Variants in PPP2R2A observed in about 807,000 individuals in gnomAD.
The protein encoded by PPP2R2A is serine/threonine-protein phosphatase 2A 55 kDa regulatory subunit B alpha isoform.
Under a neutral mutation model 53.2 loss-of-function variants are expected in PPP2R2A, and 9 were observed. The ratio of observed to expected loss-of-function variants is 0.17; its 90% confidence interval spans 0.10 to 0.30. The LOEUF (loss-of-function observed/expected upper bound fraction) is 0.30, where lower values mean the gene tolerates loss of function less well. Ranked by LOEUF, PPP2R2A falls within the 10% of genes least tolerant of loss-of-function variation. The pLI is 1.00. For missense variants in PPP2R2A, 235 were observed against 534.6 expected (o/e 0.44, Z 5.53); for synonymous variants, 169 against 174.2 (o/e 0.97, Z 0.23).
intron 9 of PPP2R2A, among the ~76,000 whole-genome samples, chr8:26,368,038 A>G (rs1165780724): frequency 6.6e-6 from 1 of 152,214 alleles, no homozygotes; most frequent in Non-Finnish European, 1.5e-5. Flanking sequence ...TGGCAGGAAT[A>G]CCACAGAAAT....
chr8:26,320,027 A>G (rs1303756225), intron 2 of PPP2R2A, among the ~76,000 whole-genome samples: 1 of 152,148 alleles, frequency 6.6e-6, no homozygotes, highest in African/African-American at 2.4e-5. Flanking sequence ...TTGCCAAGGT[A>G]AGTGATTTTA....
At chr8:26,323,567 A>G (rs1346898494) in intron 2 of PPP2R2A, among the ~76,000 whole-genome samples, 3 of 152,224 alleles carry the variant, frequency 2.0e-5, no homozygotes, top group Non-Finnish European at 2.9e-5. Context: ...TTAATTTGCT[A>G]GAGTGGCTCA....
At chr8:26,318,101 AG>A (rs1563293600) in intron 2 of PPP2R2A, among the ~76,000 whole-genome samples, 2 of 152,138 alleles carry the variant, frequency 1.3e-5, no homozygotes, top group African/African-American at 4.8e-5. Context: ...TGAAGGTGCC[AG>A]GATGTGCCAT....
intron 4 of PPP2R2A, among the ~76,000 whole-genome samples, chr8:26,359,800 T>A (rs1023500657): frequency 6.6e-6 from 1 of 152,236 alleles, no homozygotes; most frequent in African/African-American, 2.4e-5. Flanking sequence ...TTAAATTTTT[T>A]AAAATTCAGT....
In PPP2R2A at chr8:26,291,677, T is replaced by TTCCCCCCCC; in HGVS notation, c.-143_-142insTCCCCCCCC. The TTCCCCCCCC allele has an allele frequency of 2.2e-6, 1 of 451,624 alleles. No homozygotes were observed. The highest frequency in any genetic ancestry group is 4.1e-6 in the Non-Finnish European group (1 of 242,350). The allele number at this position is 451,624 out of a possible 1,614,324, so 28.0% of individuals were successfully genotyped here. A position where few individuals can be genotyped will look rare whatever the true frequency, so the allele number is the denominator to read the frequency against. On this transcript the variant is annotated 5_prime_UTR_variant, in exon 1 of 10. Transcript: ENST00000380737. Reference sequence around the variant, plus strand: ...TGGTCTGCCCGCCCCTCCTTCCTTTTCCCCCCGGCCCCCGTCCCCTCCCCC... The same window carrying TTCCCCCCCC: ...TGGTCTGCCCGCCCCTCCTTCCTTTTTCCCCCCCCCCCCCCGGCCCCCGTCCCCTCCCCC...
chr8:26,337,279 T>C (rs1803713767), intron 2 of PPP2R2A, among the ~76,000 whole-genome samples: 1 of 152,202 alleles, frequency 6.6e-6, no homozygotes, highest in African/African-American at 2.4e-5. Context: ...AAATTATCAA[T>C]GCTGTAGGGA....
chr8:26,366,516 TTTTA>T, intron 9 of PPP2R2A, 110 bp downstream of exon 9: 2 of 752,776 alleles, frequency 2.7e-6, no homozygotes, highest in Non-Finnish European at 4.1e-6. Context: ...AATTTAGTAA[TTTTA>T]GATATAGCAC....
At chr8:26,317,413 G>A (rs961738877) in intron 2 of PPP2R2A, among the ~76,000 whole-genome samples, 1 of 152,174 alleles carries the variant, frequency 6.6e-6, no homozygotes, top group Non-Finnish European at 1.5e-5. Flanking sequence ...TTTCACGTAT[G>A]AGGAAATCCT....
chr8:26,294,788 G>A (rs778934869), intron 2 of PPP2R2A, among the ~76,000 whole-genome samples: 5 of 152,002 alleles, frequency 3.3e-5, no homozygotes, highest in Non-Finnish European at 5.9e-5. Context: ...ATCCTTAATT[G>A]TCTGTTTTAG....
Position 26,360,303 on chromosome 8 carries a change from G to T in PPP2R2A, c.459+22G>T, listed in dbSNP as rs769085833. The T allele has an allele frequency of 7.2e-7, 1 of 1,391,802 alleles. No homozygotes were observed. The highest frequency in any genetic ancestry group is 2.3e-5 in the East Asian group (1 of 43,660). The allele number at this position is 1,391,802 out of a possible 1,614,324, so 86.2% of individuals were successfully genotyped here. On this transcript the variant is annotated intron_variant, in intron 5 of 9. Transcript: ENST00000380737. The surrounding 1 kb of genome is among the most constrained non-coding windows in gnomAD (Gnocchi z 4.5). The stretch of plus-strand genomic sequence containing the variant: ...ACGAGTAAGTACATAAGAAAAAAAT[G>T]TCACAGATAGTGCTTGTATTCATAT...
chr8:26,355,154 G>A lies in PPP2R2A; in HGVS notation c.346+521G>A, dbSNP rs551085326. 1.7e-3 allele frequency among the ~76,000 whole-genome samples: 262 copies of A among 152,236 alleles called. 2 individuals are homozygous for A. The highest frequency in any genetic ancestry group is 3.3e-3 in the Non-Finnish European group (223 of 68,024). Reference sequence around the variant, plus strand: ...AAGGATGGTCTCCATTCCAGGATACGCTATAGGAGAGCACTTTCTTACTTG... The same window carrying A: ...AAGGATGGTCTCCATTCCAGGATACACTATAGGAGAGCACTTTCTTACTTG... On this transcript the variant is annotated intron_variant, in intron 4 of 9. Transcript: ENST00000380737.
intron 2 of PPP2R2A, among the ~76,000 whole-genome samples, chr8:26,308,499 A>G (rs1802124491): frequency 1.3e-5 from 2 of 152,240 alleles, no homozygotes; most frequent in Admixed American, 6.5e-5. Context: ...CATCACCAGC[A>G]GTAGATTCCA....
At chr8:26,311,682 A>G (rs148443272) in intron 2 of PPP2R2A, among the ~76,000 whole-genome samples, 1 of 152,286 alleles carries the variant, frequency 6.6e-6, no homozygotes, top group Non-Finnish European at 1.5e-5. Flanking sequence ...CCTGTCTCTG[A>G]AACAATGAAC....
intron 3 of PPP2R2A, among the ~76,000 whole-genome samples, chr8:26,341,640 A>C (rs1214161860): frequency 6.6e-6 from 1 of 152,204 alleles, no homozygotes; most frequent in East Asian, 1.9e-4. Flanking sequence ...TTCATTCCAG[A>C]GTACACTGGT....
At chr8:26,303,312 C>T (rs907775178) in intron 2 of PPP2R2A, among the ~76,000 whole-genome samples, 2 of 152,076 alleles carry the variant, frequency 1.3e-5, no homozygotes, top group African/African-American at 2.4e-5. Flanking sequence ...TAATTTTTTA[C>T]GGTTTTCCCC....
chr8:26,346,958 T>C (rs922649319), intron 3 of PPP2R2A, among the ~76,000 whole-genome samples: 1 of 152,222 alleles, frequency 6.6e-6, no homozygotes, highest in Non-Finnish European at 1.5e-5. Flanking sequence ...TGCATTTACC[T>C]GCATCATGTT....
At chr8:26,316,596 T>C (rs1019074364) in intron 2 of PPP2R2A, among the ~76,000 whole-genome samples, 1 of 152,228 alleles carries the variant, frequency 6.6e-6, no homozygotes, top group African/African-American at 2.4e-5. Context: ...TGGGCTGCTG[T>C]TAACAGAATA....
chr8:26,337,067 A>G (rs1301624842), intron 2 of PPP2R2A, among the ~76,000 whole-genome samples: 3 of 152,154 alleles, frequency 2.0e-5, no homozygotes, highest in African/African-American at 7.2e-5. Flanking sequence ...GACCTGGGAA[A>G]GAGATAAAAT....
At position 26,362,086 on chromosome 8, in the gene PPP2R2A, A is replaced by G. The variant is rs756269514; in HGVS notation, c.638-598A>G. Among the ~76,000 whole-genome samples the G allele has an allele frequency of 3.5e-4, 53 of 149,352 alleles. No individual in the cohort carries two copies. Among genetic ancestry groups the G allele is most frequent in the Admixed American group, 8.0e-4 (12 of 15,064 alleles). ...ATTTTAAGATTAGAAAAAGATTAAT[A>G]ATTAGATTAGATTAGAAAAAGATTA... On this transcript the variant is annotated intron_variant, in intron 6 of 9. Coordinates refer to ENST00000380737, the MANE Select transcript of PPP2R2A (RefSeq NM_002717.4). This position sits in a 1 kb window ranked among gnomAD's most constrained non-coding sequence, Gnocchi z 4.4.
Sources: gnomAD v4.1 joint callset for allele counts (sites outside exome capture counted in the v4.1 genomes callset) on GRCh38, gnomAD v4.1.1 for gene constraint, Gnocchi (gnomAD v3.1) non-coding constraint, MANE v1.5 for transcripts, NCBI Gene and HGNC (gene_info 2026-07-23, HGNC 2026-07-21) for gene names.